ST7: variants seen among roughly 807,000 people sequenced by gnomAD.
ST7 encodes suppression of tumorigenicity 7, also known as suppressor of tumorigenicity 7 protein.
Under a neutral mutation model 78.7 loss-of-function variants are expected in ST7, and 28 were observed. The observed-to-expected ratio is 0.36, with a 90% CI of 0.26 to 0.49. The LOEUF (loss-of-function observed/expected upper bound fraction) is 0.49. Among genes scored for constraint, ST7 ranks in the 20% least tolerant of loss-of-function variants. The pLI is 0.99. For synonymous variants in ST7, 247 were observed against 249.6 expected (o/e 0.99, Z 0.10); for missense variants, 418 against 696.0 (o/e 0.60, Z 4.49).
chr7:117,145,936 A>ACATTTGGCTCCTTTAAAAAAATAGT, intron 9 of ST7, among the ~76,000 whole-genome samples: 1 of 152,172 alleles, frequency 6.6e-6, no homozygotes, highest in African/African-American at 2.4e-5. Flanking sequence ...CTGTGTTCTT[A>ACATTTGGCTCCTTTAAAAAAATAGT]CATTTGGCTC....
chr7:116,965,439 G>A (rs1183818052), intron 1 of ST7, among the ~76,000 whole-genome samples: 1 of 151,998 alleles, frequency 6.6e-6, no homozygotes, highest in Non-Finnish European at 1.5e-5. Flanking sequence ...AGAGCATTAG[G>A]ACAAATACCT....
chr7:117,126,395 C>G (rs1290786994), intron 3 of ST7, among the ~76,000 whole-genome samples: 1 of 151,682 alleles, frequency 6.6e-6, no homozygotes, highest in Non-Finnish European at 1.5e-5. Context: ...GTTCTCTTCT[C>G]TTGAGTATTG....
chr7:117,147,295 G>A (rs1388576979), intron 9 of ST7, among the ~76,000 whole-genome samples: 1 of 152,068 alleles, frequency 6.6e-6, no homozygotes, highest in Non-Finnish European at 1.5e-5. Flanking sequence ...GAACATCCTT[G>A]TAGACATGTG....
At chr7:117,223,820 C>T (rs915412469) in intron 15 of ST7, 12 of 316,730 alleles carry the variant, frequency 3.8e-5, no homozygotes, top group East Asian at 1.7e-4. Flanking sequence ...GAGAGCAGAA[C>T]GGTGTCTTCA....
Position 117,161,591 on chromosome 7 carries a change from C to CTTT in ST7, c.964-9253_964-9251dup, listed in dbSNP as rs60505994. ...TTTTTTCAGTTTGTTTTCTTTCTTTCTTTTTTTTTTTTTTTTTTTTCTTTC... is the reference window on the plus strand; with the variant it reads ...TTTTTTCAGTTTGTTTTCTTTCTTTCTTTTTTTTTTTTTTTTTTTTTTTCTTTC... On this transcript the variant is annotated intron_variant, in intron 9 of 15. Coordinates refer to ENST00000323984, the MANE Select transcript of ST7 (RefSeq NM_001369598.1). 1.5e-3 allele frequency among the ~76,000 whole-genome samples: 165 copies of CTTT among 113,576 alleles called. 1 individual carries two copies. The highest frequency in any genetic ancestry group is 6.2e-3 in the Middle Eastern group (1 of 162). 74.5% of individuals were successfully genotyped at this position (113,576 alleles called of 152,430 possible). A position where few individuals can be genotyped will look rare whatever the true frequency, so the allele number is the denominator to read the frequency against.
At chr7:117,141,340 A>G (rs1212812971) in intron 9 of ST7, among the ~76,000 whole-genome samples, 1 of 152,212 alleles carries the variant, frequency 6.6e-6, no homozygotes, top group Non-Finnish European at 1.5e-5. Flanking sequence ...GAAACTGTTA[A>G]TTGAAAAGAG....
intron 12 of ST7, 52 bp from the exon 13 acceptor site, chr7:117,209,735 A>G: frequency 2.5e-6 from 4 of 1,577,706 alleles, no homozygotes; most frequent in Non-Finnish European, 3.4e-6. Flanking sequence ...TCAATACTGA[A>G]TTCTAAATTA....
intron 12 of ST7, among the ~76,000 whole-genome samples, chr7:117,192,366 G>T (rs576511295): frequency 4.6e-4 from 70 of 152,220 alleles, no homozygotes; most frequent in African/African-American, 1.6e-3. Flanking sequence ...TGTTCCACTT[G>T]TGATTCTGTC....
chr7:117,191,890 G>A (rs1809817975), intron 12 of ST7: 1 of 152,192 alleles, frequency 6.6e-6, no homozygotes, highest in Admixed American at 6.5e-5. Context: ...GAGTGAGAGA[G>A]AGAGAGATGG....
At chr7:117,015,592 A>G (rs1331916531) in intron 1 of ST7, among the ~76,000 whole-genome samples, 1 of 152,112 alleles carries the variant, frequency 6.6e-6, no homozygotes, top group Non-Finnish European at 1.5e-5. Flanking sequence ...GTTTCACTGA[A>G]TGGTAAATTG....
intron 1 of ST7, among the ~76,000 whole-genome samples, chr7:117,069,003 C>T (rs1798782775): frequency 6.6e-6 from 1 of 152,212 alleles, no homozygotes; most frequent in Non-Finnish European, 1.5e-5. Flanking sequence ...CCAAAGCCGA[C>T]CTTGCACTAG....
At chr7:117,033,964 A>C (rs938031382) in intron 1 of ST7, among the ~76,000 whole-genome samples, 1 of 151,626 alleles carries the variant, frequency 6.6e-6, no homozygotes, top group Non-Finnish European at 1.5e-5. Flanking sequence ...TTGTTTAGAG[A>C]CAGGGCCTCA....
intron 1 of ST7, among the ~76,000 whole-genome samples, chr7:117,016,384 G>A (rs10258383): frequency 0.98 from 149,614 of 152,292 alleles, 73,555 homozygotes; most frequent in East Asian, 1. Context: ...CTACCACAGA[G>A]CTTTACTATG....
At chr7:116,980,021 C>T (rs375195151) in intron 1 of ST7, among the ~76,000 whole-genome samples, 7 of 127,488 alleles carry the variant, frequency 5.5e-5, no homozygotes, top group African/African-American at 9.1e-5. Context: ...TGCAGTGCTG[C>T]GATCTCGGCT....
At chr7:117,023,964 G>T (rs1216473747) in intron 1 of ST7, among the ~76,000 whole-genome samples, 1 of 151,800 alleles carries the variant, frequency 6.6e-6, no homozygotes, top group Non-Finnish European at 1.5e-5. Flanking sequence ...CATGTGCCAT[G>T]ACACCCAGCT....
intron 3 of ST7, 36 bp downstream of exon 3, chr7:117,119,756 T>A (rs777922606): frequency 6.3e-7 from 1 of 1,593,962 alleles, no homozygotes; most frequent in East Asian, 2.2e-5. Flanking sequence ...TATTATTTGC[T>A]TACTGTTACT....
Position 116,999,713 on chromosome 7 carries a change from C to T in ST7, c.151+46022C>T, listed in dbSNP as rs533935886. Among the ~76,000 whole-genome samples, 236 of 151,988 alleles carry T rather than the reference C, an allele frequency of 1.6e-3. 1 individual carries two copies. The highest frequency in any genetic ancestry group is 1.8e-3 in the Non-Finnish European group (125 of 67,972). On this transcript the variant is annotated intron_variant, in intron 1 of 15. Coordinates refer to ENST00000323984, the MANE Select transcript of ST7 (RefSeq NM_001369598.1). ...TTTAGGACACTTTGTTTAGAAGATACTGTAAGAGAACTGATCCATTCTGTA... is the reference window on the plus strand; with the variant it reads ...TTTAGGACACTTTGTTTAGAAGATATTGTAAGAGAACTGATCCATTCTGTA...
intron 10 of ST7, among the ~76,000 whole-genome samples, chr7:117,174,819 G>A (rs1471474965): frequency 6.6e-6 from 1 of 152,184 alleles, no homozygotes; most frequent in Non-Finnish European, 1.5e-5. Context: ...CTGAGGCTTT[G>A]TGAGATTAAA....
chr7:117,005,221 C>G (rs992325548), intron 1 of ST7, among the ~76,000 whole-genome samples: 3 of 152,006 alleles, frequency 2.0e-5, no homozygotes, highest in Non-Finnish European at 4.4e-5. Flanking sequence ...ATAATATTGA[C>G]AAAAATAACT....
Sources: gnomAD v4.1 joint callset for allele counts (sites outside exome capture counted in the v4.1 genomes callset) on GRCh38, gnomAD v4.1.1 for gene constraint, MANE v1.5 for transcripts, NCBI Gene and HGNC (gene_info 2026-07-23, HGNC 2026-07-21) for gene names.